CSMD1: variants seen among roughly 807,000 people sequenced by gnomAD.
CSMD1 encodes the protein CUB and Sushi multiple domains 1, also known as CUB and sushi domain-containing protein 1.
Under a neutral mutation model 417.5 loss-of-function variants are expected in CSMD1, and 213 were observed. The observed-to-expected ratio is 0.51, with a 90% CI of 0.46 to 0.57. CSMD1 has a LOEUF of 0.57. CSMD1 is among the 20% of genes least tolerant of loss of function. The pLI, the probability that CSMD1 is intolerant of heterozygous loss-of-function variation, is 0.00. For missense variants in CSMD1, 6,923 were observed against 4,529.7 expected, an observed-to-expected ratio of 1.53 and a Z score of -15.17; for synonymous variants, 2,862 against 1,736.8, an observed-to-expected ratio of 1.65 and a Z score of -16.11.
chr8:3,537,526 C>G (rs1195795551), intron 10 of CSMD1, among the ~76,000 whole-genome samples: 2 of 152,030 alleles, frequency 1.3e-5, no homozygotes, highest in African/African-American at 4.8e-5. Flanking sequence ...TTGGACAAAC[C>G]CCCTAAAAGA....
intron 57 of CSMD1, among the ~76,000 whole-genome samples, chr8:2,971,537 G>C (rs893616348): frequency 6.6e-6 from 1 of 152,106 alleles, no homozygotes; most frequent in Non-Finnish European, 1.5e-5. Flanking sequence ...TCTCTTTTCA[G>C]TGCCTCATAT....
At chr8:3,464,757 T>C (rs1380540601) in intron 12 of CSMD1, among the ~76,000 whole-genome samples, 1 of 152,034 alleles carries the variant, frequency 6.6e-6, no homozygotes, top group Non-Finnish European at 1.5e-5. Flanking sequence ...TCTATCATAA[T>C]TAATTTACAT....
intron 1 of CSMD1, among the ~76,000 whole-genome samples, chr8:4,964,889 C>T (rs929355682): frequency 2.1e-4 from 32 of 152,130 alleles, no homozygotes; most frequent in African/African-American, 6.3e-4. Flanking sequence ...GGTTCTGGAG[C>T]GGAGTTTGGG....
At chr8:4,151,773 C>G (rs182189373) in intron 3 of CSMD1, among the ~76,000 whole-genome samples, 58 of 152,288 alleles carry the variant, frequency 3.8e-4, no homozygotes, top group Admixed American at 3.5e-3. Context: ...TGCCACATTT[C>G]TTCTGCAAAT....
chr8:3,693,947 T>C (rs1472747351), intron 7 of CSMD1, among the ~76,000 whole-genome samples: 1 of 150,344 alleles, frequency 6.7e-6, no homozygotes, highest in Non-Finnish European at 1.5e-5. Context: ...GCGTCGTGTG[T>C]TGGATATAGG....
intron 1 of CSMD1, among the ~76,000 whole-genome samples, chr8:4,735,072 C>T (rs1810143284): frequency 6.6e-6 from 1 of 152,198 alleles, no homozygotes; most frequent in Non-Finnish European, 1.5e-5. Flanking sequence ...CAAATTGCTG[C>T]TCGTTAAAAT....
At chr8:3,097,887 C>A (rs1383514712) in intron 46 of CSMD1, among the ~76,000 whole-genome samples, 1 of 152,096 alleles carries the variant, frequency 6.6e-6, no homozygotes, top group African/African-American at 2.4e-5. Flanking sequence ...CAGCAGGAGC[C>A]CTGATTCCTA....
At chr8:4,748,142 C>G (rs1811074222) in intron 1 of CSMD1, among the ~76,000 whole-genome samples, 1 of 152,160 alleles carries the variant, frequency 6.6e-6, no homozygotes. Context: ...AACCAACTCA[C>G]AGAGAAAACC....
chr8:4,394,940 C>G (rs1289784854), intron 3 of CSMD1, among the ~76,000 whole-genome samples: 1 of 152,168 alleles, frequency 6.6e-6, no homozygotes, highest in Non-Finnish European at 1.5e-5. Flanking sequence ...CAACTCACAG[C>G]TCAAGAAGTT....
intron 5 of CSMD1, among the ~76,000 whole-genome samples, chr8:3,786,514 G>A (rs1045641516): frequency 1.3e-5 from 2 of 152,192 alleles, no homozygotes; most frequent in African/African-American, 4.8e-5. Flanking sequence ...GAGTGGGTGA[G>A]AGCCAAGAAT....
chr8:3,865,856 G>C (rs13274695), intron 5 of CSMD1, among the ~76,000 whole-genome samples: 1 of 151,994 alleles, frequency 6.6e-6, no homozygotes, highest in Non-Finnish European at 1.5e-5. Flanking sequence ...CTGGAAACAC[G>C]TGTTATAGTA....
chr8:3,811,893 T>G (rs1801111718), intron 5 of CSMD1, among the ~76,000 whole-genome samples: 1 of 152,212 alleles, frequency 6.6e-6, no homozygotes, highest in African/African-American at 2.4e-5. Context: ...TTTGCTCATT[T>G]GAAGCCTACA....
chr8:4,890,678 C>T (rs1804058128), intron 1 of CSMD1, among the ~76,000 whole-genome samples: 1 of 152,146 alleles, frequency 6.6e-6, no homozygotes, highest in African/African-American at 2.4e-5. Context: ...GACTCCGACA[C>T]CCTCCCCTGC....
At chr8:3,706,971 C>T (rs1427122823) in intron 7 of CSMD1, among the ~76,000 whole-genome samples, 1 of 152,038 alleles carries the variant, frequency 6.6e-6, no homozygotes, top group African/African-American at 2.4e-5. Flanking sequence ...ATAGAAAGTG[C>T]CATGCAAACA....
chr8:4,259,914 A>G (rs536457190), intron 3 of CSMD1, among the ~76,000 whole-genome samples: 4 of 152,302 alleles, frequency 2.6e-5, no homozygotes, highest in South Asian at 4.1e-4. Flanking sequence ...CTTCTGTTGT[A>G]TAATACTACA....
intron 5 of CSMD1, among the ~76,000 whole-genome samples, chr8:3,772,987 G>C (rs935990072): frequency 6.6e-6 from 1 of 152,104 alleles, no homozygotes; most frequent in Non-Finnish European, 1.5e-5. Flanking sequence ...CTTCTGGGAA[G>C]GACTGGATTC....
At chr8:4,136,751 T>A (rs1803462364) in intron 3 of CSMD1, among the ~76,000 whole-genome samples, 1 of 152,178 alleles carries the variant, frequency 6.6e-6, no homozygotes. Flanking sequence ...GGTGTGCATG[T>A]GAATTATTTG....
At chr8:4,452,567 C>G (rs1226432480) in intron 2 of CSMD1, among the ~76,000 whole-genome samples, 3 of 152,050 alleles carry the variant, frequency 2.0e-5, no homozygotes, top group East Asian at 1.9e-4. Flanking sequence ...TCATTTTTAT[C>G]AAGAATATTA....
chr8:3,251,527 G>C (rs1463737116), intron 26 of CSMD1, among the ~76,000 whole-genome samples: 1 of 152,166 alleles, frequency 6.6e-6, no homozygotes, highest in Non-Finnish European at 1.5e-5. Flanking sequence ...TCTTGGCTTA[G>C]GATTGACTTG....
Sources: allele counts gnomAD v4.1 joint callset (sites outside exome capture counted in the v4.1 genomes callset), GRCh38; gene constraint gnomAD v4.1.1; transcripts MANE v1.5; gene names NCBI Gene and HGNC (gene_info 2026-07-23, HGNC 2026-07-21).